The following NCOA2 variants were observed in gnomAD, a reference collection of about 807,000 sequenced individuals.
NCOA2 encodes the protein nuclear receptor coactivator 2, also known as class E basic helix-loop-helix protein 75.
A neutral mutation model predicts 145.1 loss-of-function variants in NCOA2; 21 were observed. The ratio of observed to expected loss-of-function variants is 0.14; its 90% CI spans 0.10 to 0.21. NCOA2 has a LOEUF of 0.21. Ranked by LOEUF, NCOA2 falls within the 10% of genes least tolerant of loss-of-function variation. The pLI, the probability that NCOA2 is intolerant of heterozygous loss-of-function variation, is 1.00. For missense variants in NCOA2, 1,472 were observed against 1,837.6 expected, an observed-to-expected ratio of 0.80 and a Z score of 3.64; for synonymous variants, 619 against 637.5, an observed-to-expected ratio of 0.97 and a Z score of 0.44.
intron 4 of NCOA2, among the ~76,000 whole-genome samples, chr8:70,187,143 G>A (rs939702275): frequency 6.6e-6 from 1 of 152,222 alleles, no homozygotes; most frequent in African/African-American, 2.4e-5. Flanking sequence ...AGGAGAAGCA[G>A]TGAGGGCCTT....
At chr8:70,191,777 A>G (rs1176935996) in intron 4 of NCOA2, among the ~76,000 whole-genome samples, 1 of 152,226 alleles carries the variant, frequency 6.6e-6, no homozygotes, top group Non-Finnish European at 1.5e-5. Flanking sequence ...ACGGTGGCTC[A>G]TGCCTGTAAT....
intron 5 of NCOA2, among the ~76,000 whole-genome samples, chr8:70,170,946 G>C (rs1009867891): frequency 3.9e-5 from 6 of 152,094 alleles, no homozygotes; most frequent in Non-Finnish European, 8.8e-5. Flanking sequence ...TTTATTACTT[G>C]GTGTATATGG....
At chr8:70,149,034 T>G (rs1042800713) in intron 11 of NCOA2, among the ~76,000 whole-genome samples, 1 of 151,980 alleles carries the variant, frequency 6.6e-6, no homozygotes, top group East Asian at 1.9e-4. Context: ...CAAAATAAGC[T>G]TGAAGCATCC....
At chr8:70,139,644 C>CT (rs911504754) in intron 14 of NCOA2, among the ~76,000 whole-genome samples, 2,108 of 91,854 alleles carry the variant, frequency 0.023, 246 homozygotes, top group African/African-American at 0.07. Flanking sequence ...CGCTGGCCAT[C>CT]TTTTTTTTTT....
At chr8:70,149,404 C>T (rs1323208854) in intron 11 of NCOA2, among the ~76,000 whole-genome samples, 1 of 150,216 alleles carries the variant, frequency 6.7e-6, no homozygotes, top group Non-Finnish European at 1.5e-5. Context: ...CCATGTCTGG[C>T]TAATTTTTTG....
intron 1 of NCOA2, among the ~76,000 whole-genome samples, chr8:70,322,007 G>A (rs923473934): frequency 5.9e-5 from 9 of 151,428 alleles, no homozygotes; most frequent in African/African-American, 1.5e-4. Flanking sequence ...TCCCAGGTAC[G>A]TGGGAGGCTG....
At chr8:70,349,461 A>G (rs527529627) in intron 1 of NCOA2, among the ~76,000 whole-genome samples, 2 of 152,242 alleles carry the variant, frequency 1.3e-5, no homozygotes, top group Non-Finnish European at 2.9e-5. Flanking sequence ...CCCCTAACAA[A>G]TAAAAAAAGC....
the NCOA2 span, among the ~76,000 whole-genome samples, chr8:70,447,503 GTGAC>G: frequency 6.6e-6 from 1 of 152,082 alleles, no homozygotes; most frequent in African/African-American, 2.4e-5. Flanking sequence ...TCCAAGAGAT[GTGAC>G]TGACTCACTT....
chr8:70,281,156 C>A (rs560650680), intron 2 of NCOA2, among the ~76,000 whole-genome samples: 304 of 151,734 alleles, frequency 2.0e-3, no homozygotes, highest in African/African-American at 7.1e-3. Context: ...GAGTTCGAGA[C>A]CAGCCTAGCC....
chr8:70,429,680 G>A, the NCOA2 span, among the ~76,000 whole-genome samples: 1 of 152,248 alleles, frequency 6.6e-6, no homozygotes, highest in African/African-American at 2.4e-5. Flanking sequence ...TAAATGGAGA[G>A]TATAAAAGTA....
chr8:70,163,415 G>T (rs757320171), intron 8 of NCOA2, 50 bp downstream of exon 8: 2 of 1,350,842 alleles, frequency 1.5e-6, no homozygotes, highest in East Asian at 4.6e-5. Context: ...TCCCAAATAT[G>T]TAAGTATTCT....
chr8:70,188,407 G>A (rs1816314358), intron 4 of NCOA2, among the ~76,000 whole-genome samples: 1 of 152,146 alleles, frequency 6.6e-6, no homozygotes, highest in Admixed American at 6.5e-5. Flanking sequence ...TCATAATGCC[G>A]TAAGGCTATG....
Position 70,355,340 on chromosome 8 carries a change from G to A in NCOA2, c.-77+48360C>T, listed in dbSNP as rs79701995. ...CGAGTCCTTCAAGCCAGAATATCTC[G>A]CAAACACCTTCTAAGACAGATTTCC... On this transcript the variant is annotated intron_variant, in intron 1 of 22. Coordinates refer to ENST00000452400, the MANE Select transcript of NCOA2 (RefSeq NM_006540.4). 5.6e-3 allele frequency among the ~76,000 whole-genome samples: 859 copies of A among 152,256 alleles called. 5 individuals are homozygous for A. The highest frequency in any genetic ancestry group is 0.019 in the African/African-American group (805 of 41,544).
At chr8:70,264,498 A>G (rs1042734280) in intron 2 of NCOA2, among the ~76,000 whole-genome samples, 3 of 152,068 alleles carry the variant, frequency 2.0e-5, no homozygotes, top group African/African-American at 7.2e-5. Context: ...CCATCTCTTA[A>G]CAACAACAAC....
intron 2 of NCOA2, among the ~76,000 whole-genome samples, chr8:70,282,580 C>T (rs1488808513): frequency 2.6e-5 from 4 of 151,370 alleles, no homozygotes; most frequent in South Asian, 4.2e-4. Context: ...CCCAGCTACT[C>T]GGGAGGCTGA....
the NCOA2 span, among the ~76,000 whole-genome samples, chr8:70,412,317 A>C: frequency 1.3e-5 from 2 of 151,694 alleles, no homozygotes; most frequent in African/African-American, 4.8e-5. Flanking sequence ...TTACTTTACA[A>C]AAATAAGTTG....
intron 2 of NCOA2, among the ~76,000 whole-genome samples, chr8:70,290,645 T>C (rs1449905943): frequency 1.3e-5 from 2 of 152,126 alleles, no homozygotes; most frequent in Non-Finnish European, 2.9e-5. Context: ...AAGCTAGCAA[T>C]ACAAGTCAAA....
intron 1 of NCOA2, among the ~76,000 whole-genome samples, chr8:70,354,058 T>A (rs1809472214): frequency 6.6e-6 from 1 of 152,154 alleles, no homozygotes; most frequent in African/African-American, 2.4e-5. Flanking sequence ...AAGGAACTAC[T>A]CTCTTTATTT....
intron 2 of NCOA2, among the ~76,000 whole-genome samples, chr8:70,230,052 G>A (rs1821000200): frequency 6.6e-6 from 1 of 152,166 alleles, no homozygotes. Context: ...TTAACCCCCA[G>A]AATAAGGAAT....
Sources: allele counts gnomAD v4.1 joint callset (sites outside exome capture counted in the v4.1 genomes callset), GRCh38; gene constraint gnomAD v4.1.1; transcripts MANE v1.5; gene names NCBI Gene and HGNC (gene_info 2026-07-23, HGNC 2026-07-21).